SOX6: variants seen among roughly 807,000 people sequenced by gnomAD.
The protein encoded by SOX6 is transcription factor SOX-6.
Under a neutral mutation model 97.8 loss-of-function variants are expected in SOX6, and 11 were observed. The observed-to-expected ratio is 0.11, with a 90% CI of 0.07 to 0.19. The LOEUF is 0.19. Among genes scored for constraint, SOX6 ranks in the 10% least tolerant of loss-of-function variants. SOX6 has a pLI of 1.00. For missense variants in SOX6, 810 were observed against 1,039.5 expected (o/e 0.78, Z 3.04); for synonymous variants, 360 against 371.4 (o/e 0.97, Z 0.35).
chr11:16,263,169 T>A (rs1853955458), intron 3 of SOX6, among the ~76,000 whole-genome samples: 1 of 151,964 alleles, frequency 6.6e-6, no homozygotes, highest in East Asian at 1.9e-4. Flanking sequence ...ATATTAATAA[T>A]AACAATGATG....
At chr11:16,490,834 C>T (rs534172542) in intron 4 of SOX6, among the ~76,000 whole-genome samples, 1 of 151,940 alleles carries the variant, frequency 6.6e-6, no homozygotes, top group Non-Finnish European at 1.5e-5. Flanking sequence ...TAATTAATAT[C>T]ATCAACAAAT....
chr11:16,460,421 T>G (rs547054976), intron 1 of SOX6, among the ~76,000 whole-genome samples: 8 of 152,224 alleles, frequency 5.3e-5, no homozygotes, highest in Admixed American at 2.0e-4. Flanking sequence ...GTTCATATTC[T>G]TATAGTGTGA....
intron 6 of SOX6, among the ~76,000 whole-genome samples, chr11:16,137,358 G>A (rs557566048): frequency 1.3e-5 from 2 of 152,068 alleles, no homozygotes; most frequent in African/African-American, 2.4e-5. Context: ...CCCAGGAGGC[G>A]GAGGTTGCAG....
chr11:16,135,011 A>G (rs185817786), intron 6 of SOX6, among the ~76,000 whole-genome samples: 6 of 152,302 alleles, frequency 3.9e-5, no homozygotes, highest in African/African-American at 1.4e-4. Flanking sequence ...CTCATTTACC[A>G]TTCTGAAAAT....
At chr11:16,016,510 G>C (rs1010481802) in intron 12 of SOX6, among the ~76,000 whole-genome samples, 4 of 151,924 alleles carry the variant, frequency 2.6e-5, no homozygotes, top group African/African-American at 7.2e-5. Flanking sequence ...TAAAAACCAA[G>C]TTAAGTATGG....
intron 10 of SOX6, among the ~76,000 whole-genome samples, chr11:16,053,562 A>G (rs1442550617): frequency 6.6e-6 from 1 of 152,126 alleles, no homozygotes; most frequent in Non-Finnish European, 1.5e-5. Flanking sequence ...AGTTTTTTTC[A>G]GAGGAGAAAA....
chr11:16,206,868 G>A (rs1344693600), intron 4 of SOX6, among the ~76,000 whole-genome samples: 1 of 152,062 alleles, frequency 6.6e-6, no homozygotes, highest in East Asian at 1.9e-4. Context: ...TGGAAATTCA[G>A]GCATGGTAGA....
intron 4 of SOX6, among the ~76,000 whole-genome samples, chr11:16,192,935 G>A (rs920086046): frequency 3.3e-5 from 5 of 152,212 alleles, no homozygotes; most frequent in Admixed American, 3.3e-4. Context: ...GCAACTTGCA[G>A]GGCACTTTAC....
chr11:16,490,486 C>T (rs10832621), intron 4 of SOX6, among the ~76,000 whole-genome samples: 55,899 of 151,762 alleles, frequency 0.37, 10,429 homozygotes, highest in Admixed American at 0.44. Context: ...TCTATGTTCA[C>T]ATAAGTTTAG....
chr11:16,048,453 G>A (rs1847597077), intron 11 of SOX6, among the ~76,000 whole-genome samples: 1 of 152,116 alleles, frequency 6.6e-6, no homozygotes, highest in Non-Finnish European at 1.5e-5. Flanking sequence ...TTCTAACTGT[G>A]AGTTTACAAA....
chr11:16,222,130 C>A (rs996221619), intron 4 of SOX6, among the ~76,000 whole-genome samples: 1 of 152,118 alleles, frequency 6.6e-6, no homozygotes, highest in African/African-American at 2.4e-5. Context: ...GAAACAGATA[C>A]GAGTCCAACA....
At chr11:16,426,794 G>C (rs1183738238) in intron 1 of SOX6, among the ~76,000 whole-genome samples, 3 of 149,402 alleles carry the variant, frequency 2.0e-5, no homozygotes, top group East Asian at 2.0e-4. Flanking sequence ...GGCGCCTGTA[G>C]TCCCAGCTAC....
chr11:16,624,589 C>A (rs1848596603), intron 3 of SOX6, among the ~76,000 whole-genome samples: 1 of 152,136 alleles, frequency 6.6e-6, no homozygotes, highest in South Asian at 2.1e-4. Context: ...AATAAAACTG[C>A]TATAAACATT....
chr11:16,203,102 G>A (rs921258163), intron 4 of SOX6, among the ~76,000 whole-genome samples: 1 of 152,086 alleles, frequency 6.6e-6, no homozygotes, highest in African/African-American at 2.4e-5. Flanking sequence ...ACTAAAGTGA[G>A]CATCAATTAG....
At position 16,296,132 on chromosome 11, in the gene SOX6, G is replaced by T. The variant is rs192034788; in HGVS notation, c.445+22314C>A. 7.7e-3 allele frequency among the ~76,000 whole-genome samples: 1,173 copies of T among 152,096 alleles called. 9 individuals carry two copies. The highest frequency in any genetic ancestry group is 0.051 in the Middle Eastern group (15 of 294). Reference sequence around the variant, plus strand: ...AACATTTTTATAACTCTTTAAATTTGTAAAATAGTATATGCTTTTTAAAAC... The same window carrying T: ...AACATTTTTATAACTCTTTAAATTTTTAAAATAGTATATGCTTTTTAAAAC... On this transcript the variant is annotated intron_variant, in intron 3 of 15. Transcript: ENST00000683767.
At chr11:16,646,526 G>C (rs1177817692) in intron 3 of SOX6, among the ~76,000 whole-genome samples, 1 of 150,118 alleles carries the variant, frequency 6.7e-6, no homozygotes, top group Non-Finnish European at 1.5e-5. Context: ...TTGGTTACTT[G>C]AGTAAGTTCT....
intron 3 of SOX6, chr11:16,315,243 T>C (rs1278620897): frequency 6.6e-6 from 1 of 152,096 alleles, no homozygotes; most frequent in African/African-American, 2.4e-5. Context: ...ATATGATTCA[T>C]TTTCTCTGTA....
intron 1 of SOX6, among the ~76,000 whole-genome samples, chr11:16,376,254 T>C (rs974641659): frequency 3.3e-5 from 5 of 152,152 alleles, no homozygotes; most frequent in Admixed American, 1.3e-4. Context: ...GTGATTTCTT[T>C]TCTTCCTGGA....
chr11:16,402,515 C>G, intron 1 of SOX6: 1 of 797,472 alleles, frequency 1.3e-6, no homozygotes, highest in South Asian at 1.5e-5. Context: ...AGAGAGCTTC[C>G]CAGAGATTTG....
Sources: allele counts gnomAD v4.1 joint callset (sites outside exome capture counted in the v4.1 genomes callset), GRCh38; gene constraint gnomAD v4.1.1; transcripts MANE v1.5; gene names NCBI Gene and HGNC (gene_info 2026-07-23, HGNC 2026-07-21).